Variants in BRINP3 observed in about 807,000 individuals in gnomAD.
BRINP3 encodes BMP/retinoic acid inducible neural specific 3, also known as BMP/retinoic acid-inducible neural-specific protein 3.
Under a neutral mutation model 71.0 loss-of-function variants are expected in BRINP3, and 19 were observed. The ratio of observed to expected loss-of-function variants is 0.27; its 90% CI spans 0.19 to 0.39. BRINP3 has a LOEUF of 0.39. Among genes scored for constraint, BRINP3 ranks in the 10% least tolerant of loss-of-function variants. The pLI, the probability that BRINP3 is intolerant of heterozygous loss-of-function variation, is 1.00. For synonymous variants in BRINP3, 380 were observed against 337.7 expected, an observed-to-expected ratio of 1.13 and a Z score of -1.37; for missense variants, 959 against 940.8, an observed-to-expected ratio of 1.02 and a Z score of -0.25.
At chr1:190,252,938 C>T (rs1307427086) in intron 4 of BRINP3, among the ~76,000 whole-genome samples, 1 of 152,054 alleles carries the variant, frequency 6.6e-6, no homozygotes, top group Non-Finnish European at 1.5e-5. Flanking sequence ...CCCTGTCCCA[C>T]ACCCCATGAC....
chr1:190,134,018 TACA>T (rs1654764883), intron 7 of BRINP3, among the ~76,000 whole-genome samples: 1 of 152,042 alleles, frequency 6.6e-6, no homozygotes, highest in African/African-American at 2.4e-5. Flanking sequence ...GGATTTAAAA[TACA>T]ACAGCGAAAA....
chr1:190,202,475 C>A (rs141018902), intron 6 of BRINP3, among the ~76,000 whole-genome samples: 3 of 151,994 alleles, frequency 2.0e-5, no homozygotes, highest in Non-Finnish European at 2.9e-5. Context: ...CTTTACAGGA[C>A]TGTTGGGAAG....
chr1:190,193,892 T>C lies in BRINP3; in HGVS notation c.961+32190A>G, dbSNP rs530399108. ...AGGGTAAGAGCCAATCTTCTGTGGGTAACAAGAAGCAAACACAGATGGCCT... is the reference window on the plus strand; with the variant it reads ...AGGGTAAGAGCCAATCTTCTGTGGGCAACAAGAAGCAAACACAGATGGCCT... On this transcript the variant is annotated intron_variant, in intron 6 of 7. Coordinates refer to ENST00000367462, the MANE Select transcript of BRINP3 (RefSeq NM_199051.3). Among the ~76,000 whole-genome samples, 9 of 152,186 alleles carry C rather than the reference T, an allele frequency of 5.9e-5. No homozygotes were observed. In the South Asian group the frequency reaches 1.2e-3, roughly 21 times the overall value.
At chr1:190,396,712 T>TTATATATATATATATATATATATA (rs1558249085) in intron 2 of BRINP3, among the ~76,000 whole-genome samples, 24 of 38,304 alleles carry the variant, frequency 6.3e-4, no homozygotes, top group African/African-American at 1.8e-3. Flanking sequence ...CCTAATTTAA[T>TTATATATATATATATATATATATA]GATATATATA....
intron 7 of BRINP3, among the ~76,000 whole-genome samples, chr1:190,128,695 C>T (rs905475818): frequency 6.6e-6 from 1 of 151,730 alleles, no homozygotes; most frequent in African/African-American, 2.4e-5. Flanking sequence ...CTGTGATTTA[C>T]CAGTTTATCA....
At chr1:190,334,266 C>G (rs902413421) in intron 2 of BRINP3, among the ~76,000 whole-genome samples, 1 of 151,648 alleles carries the variant, frequency 6.6e-6, no homozygotes, top group African/African-American at 2.4e-5. Flanking sequence ...CCCCTGCCCA[C>G]GCTACGTTCA....
chr1:190,341,277 T>C (rs183813126), intron 2 of BRINP3, among the ~76,000 whole-genome samples: 1 of 151,994 alleles, frequency 6.6e-6, no homozygotes, highest in African/African-American at 2.4e-5. Flanking sequence ...GCAAACAAAT[T>C]AAAATGTAGT....
chr1:190,327,487 GAA>G (rs59406863), intron 2 of BRINP3, among the ~76,000 whole-genome samples: 6,988 of 126,768 alleles, frequency 0.055, 222 homozygotes, highest in Middle Eastern at 0.13. Flanking sequence ...CAAACAAAAA[GAA>G]AAAAAAAAAA....
At chr1:190,099,925 G>C (rs536753538) in intron 7 of BRINP3, among the ~76,000 whole-genome samples, 4 of 151,856 alleles carry the variant, frequency 2.6e-5, no homozygotes, top group African/African-American at 9.7e-5. Context: ...TGATTTTCTC[G>C]CATTATTTAA....
intron 2 of BRINP3, among the ~76,000 whole-genome samples, chr1:190,416,025 T>C (rs982747010): frequency 6.6e-6 from 1 of 152,180 alleles, no homozygotes; most frequent in Non-Finnish European, 1.5e-5. Context: ...ACATTCAATA[T>C]GTTCCTAAGT....
chr1:190,286,726 A>C (rs1663453965), intron 2 of BRINP3, among the ~76,000 whole-genome samples: 1 of 152,148 alleles, frequency 6.6e-6, no homozygotes, highest in Admixed American at 6.6e-5. Flanking sequence ...GAATCTTAAA[A>C]TAAATATATT....
chr1:190,441,109 C>T lies in BRINP3; in HGVS notation c.236+13546G>A, dbSNP rs114023092. Among the ~76,000 whole-genome samples, 672 of 151,780 alleles carry T rather than the reference C, an allele frequency of 4.4e-3. 2 individuals are homozygous for T. Among genetic ancestry groups the T allele is most frequent in the South Asian group, 0.011 (52 of 4,814 alleles). On this transcript the variant is annotated intron_variant, in intron 2 of 7. Coordinates refer to ENST00000367462, the MANE Select transcript of BRINP3 (RefSeq NM_199051.3). Reference sequence around the variant, plus strand: ...ACTTGAATGTTATGGCAACATTTGACTTGGTCAAATATAATCTCCTAATAG... The same window carrying T: ...ACTTGAATGTTATGGCAACATTTGATTTGGTCAAATATAATCTCCTAATAG...
intron 6 of BRINP3, among the ~76,000 whole-genome samples, chr1:190,208,205 A>G (rs1262237303): frequency 1.3e-5 from 2 of 151,852 alleles, no homozygotes; most frequent in Non-Finnish European, 2.9e-5. Flanking sequence ...CTATCCACCC[A>G]ACACGGCTGC....
At chr1:190,191,885 T>C in intron 6 of BRINP3, among the ~76,000 whole-genome samples, 1 of 152,166 alleles carries the variant, frequency 6.6e-6, no homozygotes, top group East Asian at 1.9e-4. Flanking sequence ...AATCAATTTT[T>C]ACATTCTTGT....
chr1:190,130,910 T>A (rs936252839), intron 7 of BRINP3, among the ~76,000 whole-genome samples: 2 of 151,780 alleles, frequency 1.3e-5, no homozygotes, highest in Non-Finnish European at 2.9e-5. Context: ...CCACCATACA[T>A]CGGGATTCCT....
intron 2 of BRINP3, among the ~76,000 whole-genome samples, chr1:190,336,355 TTTTG>T (rs1433564163): frequency 2.0e-5 from 3 of 152,076 alleles, no homozygotes; most frequent in African/African-American, 4.8e-5. Context: ...TTACATAGTT[TTTTG>T]TTTGTTTGTT....
chr1:190,388,769 G>C (rs961769964), intron 2 of BRINP3, among the ~76,000 whole-genome samples: 4 of 151,784 alleles, frequency 2.6e-5, no homozygotes, highest in African/African-American at 9.7e-5. Flanking sequence ...ATGACTGAGT[G>C]GTTAATTGTC....
At chr1:190,468,294 A>C (rs1404999768) in intron 1 of BRINP3, among the ~76,000 whole-genome samples, 1 of 151,318 alleles carries the variant, frequency 6.6e-6, no homozygotes, top group Non-Finnish European at 1.5e-5. Context: ...ACAGTTAATC[A>C]AACACTTATT....
At chr1:190,152,209 T>A (rs1656454893) in intron 7 of BRINP3, among the ~76,000 whole-genome samples, 1 of 152,096 alleles carries the variant, frequency 6.6e-6, no homozygotes, top group Non-Finnish European at 1.5e-5. Flanking sequence ...TCTTTTTAAA[T>A]TAATTCATAT....
Sources: gnomAD v4.1 joint callset for allele counts (sites outside exome capture counted in the v4.1 genomes callset) on GRCh38, gnomAD v4.1.1 for gene constraint, MANE v1.5 for transcripts, NCBI Gene and HGNC (gene_info 2026-07-23, HGNC 2026-07-21) for gene names.